SAMD12: variants seen among roughly 807,000 people sequenced by gnomAD.
SAMD12 encodes the protein sterile alpha motif domain containing 12, also known as sterile alpha motif domain-containing protein 12.
Under a neutral mutation model 15.0 loss-of-function variants are expected in SAMD12, and 9 were observed. That is an observed-to-expected ratio of 0.60 (90% confidence interval 0.36 to 1.05). The LOEUF (loss-of-function observed/expected upper bound fraction) is 1.05. SAMD12 is among the 50% of genes least tolerant of loss of function. SAMD12 has a pLI of 0.01. For synonymous variants in SAMD12, 86 were observed against 90.1 expected (o/e 0.96, Z 0.25); for missense variants, 230 against 234.2 (o/e 0.98, Z 0.12).
intron 3 of SAMD12, among the ~76,000 whole-genome samples, chr8:118,434,316 C>T (rs1328652514): frequency 1.3e-5 from 2 of 152,110 alleles, no homozygotes; most frequent in African/African-American, 4.8e-5. Flanking sequence ...CATTTGTAAG[C>T]GATACTCATA....
intron 2 of SAMD12, among the ~76,000 whole-genome samples, chr8:118,562,420 G>A (rs760119144): frequency 6.6e-6 from 1 of 151,990 alleles, no homozygotes; most frequent in African/African-American, 2.4e-5. Context: ...AAAAGTAAAA[G>A]AGGTTATTAA....
intron 4 of SAMD12, among the ~76,000 whole-genome samples, chr8:118,273,802 A>C (rs1358497653): frequency 6.6e-6 from 1 of 152,192 alleles, no homozygotes; most frequent in South Asian, 2.1e-4. Flanking sequence ...ACCTGCCTCA[A>C]GGAATGTATC....
At chr8:118,481,848 T>C (rs1201227960) in intron 2 of SAMD12, among the ~76,000 whole-genome samples, 1 of 152,152 alleles carries the variant, frequency 6.6e-6, no homozygotes, top group Non-Finnish European at 1.5e-5. Context: ...GAAGCTTCCA[T>C]AGAGGAAGTG....
chr8:118,557,117 C>T (rs1026873325), intron 2 of SAMD12, among the ~76,000 whole-genome samples: 30 of 152,152 alleles, frequency 2.0e-4, no homozygotes, highest in Admixed American at 3.9e-4. Context: ...ATTGTAATGC[C>T]GGTAATCCCT....
At chr8:118,256,141 C>T (rs977294951) in intron 4 of SAMD12, among the ~76,000 whole-genome samples, 2 of 152,250 alleles carry the variant, frequency 1.3e-5, no homozygotes, top group South Asian at 2.1e-4. Flanking sequence ...TTTTTGGCTG[C>T]ATAAATGTCT....
At chr8:118,384,078 G>T (rs1432026102) in intron 3 of SAMD12, among the ~76,000 whole-genome samples, 1 of 152,168 alleles carries the variant, frequency 6.6e-6, no homozygotes, top group Non-Finnish European at 1.5e-5. Flanking sequence ...GATAGGAAAG[G>T]CCTCTCTGAA....
At chr8:118,594,155 C>T (rs556350488) in intron 1 of SAMD12, among the ~76,000 whole-genome samples, 2 of 151,144 alleles carry the variant, frequency 1.3e-5, no homozygotes, top group Non-Finnish European at 2.9e-5. Context: ...TCACAGTTTA[C>T]TAAAATAGTG....
chr8:118,372,585 A>G (rs189650821), intron 4 of SAMD12, among the ~76,000 whole-genome samples: 1 of 152,236 alleles, frequency 6.6e-6, no homozygotes, highest in East Asian at 1.9e-4. Context: ...TTCCACTTCT[A>G]GATATTTACT....
chr8:118,240,443 A>C (rs28370839), intron 4 of SAMD12, among the ~76,000 whole-genome samples: 2 of 152,294 alleles, frequency 1.3e-5, no homozygotes, highest in African/African-American at 4.8e-5. Context: ...GGAGTCAGAC[A>C]GTTCTGGATT....
the SAMD12 span, among the ~76,000 whole-genome samples, chr8:118,179,063 C>T: frequency 2.0e-5 from 3 of 152,154 alleles, no homozygotes; most frequent in Non-Finnish European, 4.4e-5. Context: ...TCCCTCCTCC[C>T]ATGGCTGGCA....
At chr8:118,272,592 A>G (rs1349200858) in intron 4 of SAMD12, among the ~76,000 whole-genome samples, 1 of 152,172 alleles carries the variant, frequency 6.6e-6, no homozygotes, top group Non-Finnish European at 1.5e-5. Flanking sequence ...CAAAATTTCC[A>G]AACTTTTATG....
At chr8:118,363,055 T>C (rs1818582121) in intron 4 of SAMD12, among the ~76,000 whole-genome samples, 1 of 152,206 alleles carries the variant, frequency 6.6e-6, no homozygotes, top group Admixed American at 6.6e-5. Flanking sequence ...TATTAAATCT[T>C]TTATTTGAAT....
At chr8:118,434,728 T>C (rs1822522208) in intron 3 of SAMD12, among the ~76,000 whole-genome samples, 1 of 152,206 alleles carries the variant, frequency 6.6e-6, no homozygotes, top group African/African-American at 2.4e-5. Flanking sequence ...GCAAATTTCT[T>C]TCCTTTAAAC....
the SAMD12 span, among the ~76,000 whole-genome samples, chr8:118,183,409 A>C: frequency 1.3e-5 from 2 of 152,218 alleles, no homozygotes; most frequent in Non-Finnish European, 2.9e-5. Context: ...TTTTGAAAAG[A>C]GCATGCATAG....
chr8:118,621,703 C>T (rs564986195), intron 1 of SAMD12, 101 bp downstream of exon 1: 4 of 1,380,270 alleles, frequency 2.9e-6, no homozygotes, highest in African/African-American at 2.8e-5. Context: ...TCCGCCACCC[C>T]CTTTCCTCGC....
chr8:118,370,009 G>A (rs183385656), intron 4 of SAMD12, among the ~76,000 whole-genome samples: 8 of 152,080 alleles, frequency 5.3e-5, no homozygotes, highest in East Asian at 3.9e-4. Context: ...TTTTTCCGAC[G>A]TATCCATCTG....
At chr8:118,457,344 C>T (rs1161209944) in intron 2 of SAMD12, among the ~76,000 whole-genome samples, 1 of 151,710 alleles carries the variant, frequency 6.6e-6, no homozygotes, top group South Asian at 2.1e-4. Context: ...AATCGTCCCA[C>T]CTTAGCCTCC....
At chr8:118,336,679 C>T (rs1817086678) in intron 4 of SAMD12, among the ~76,000 whole-genome samples, 2 of 152,204 alleles carry the variant, frequency 1.3e-5, no homozygotes, top group Non-Finnish European at 2.9e-5. Flanking sequence ...TCCTCTCCAG[C>T]ACCTGTTGTT....
chr8:118,453,907 C>T (rs1285445941), intron 2 of SAMD12, among the ~76,000 whole-genome samples: 1 of 151,820 alleles, frequency 6.6e-6, no homozygotes, highest in African/African-American at 2.4e-5. Flanking sequence ...ATCTATTTAC[C>T]AAATTCCCTG....
Sources: allele counts gnomAD v4.1 joint callset (sites outside exome capture counted in the v4.1 genomes callset), GRCh38; gene constraint gnomAD v4.1.1; transcripts MANE v1.5; gene names NCBI Gene and HGNC (gene_info 2026-07-23, HGNC 2026-07-21).